ATRNL1: variants seen among roughly 807,000 people sequenced by gnomAD.
The protein encoded by ATRNL1 is attractin like 1.
A neutral mutation model predicts 182.7 loss-of-function variants in ATRNL1; 95 were observed. The observed-to-expected ratio is 0.52, with a 90% CI of 0.44 to 0.62. The LOEUF is 0.62. ATRNL1 is among the 20% of genes least tolerant of loss of function. The pLI, the probability that ATRNL1 is intolerant of heterozygous loss-of-function variation, is 0.00. For missense variants in ATRNL1, 1,471 were observed against 1,679.5 expected, an observed-to-expected ratio of 0.88 and a Z score of 2.17; for synonymous variants, 576 against 568.3, an observed-to-expected ratio of 1.01 and a Z score of -0.19.
chr10:115,895,539 C>T lies in ATRNL1; in HGVS notation c.4018+47548C>T, dbSNP rs148986853. 1.8e-4 allele frequency among the ~76,000 whole-genome samples: 27 copies of T among 152,332 alleles called. No individual in the cohort carries two copies. In the East Asian group the frequency reaches 5.0e-3, roughly 28 times the overall value. On this transcript the variant is annotated intron_variant, in intron 28 of 28. Transcript: ENST00000355044. ...TGACAAACCCTCAGTGAAACATCTT[C>T]TGCCTGTCACTGTCCCCCTCCACTC... is the stretch of plus-strand genomic sequence containing the variant.
At chr10:115,171,979 G>C (rs1316351531) in intron 8 of ATRNL1, among the ~76,000 whole-genome samples, 1 of 151,878 alleles carries the variant, frequency 6.6e-6, no homozygotes, top group African/African-American at 2.4e-5. Context: ...TTCTTTTCTG[G>C]CTCTGGCCAG....
chr10:115,460,086 T>C (rs1272342584), intron 21 of ATRNL1, among the ~76,000 whole-genome samples: 8 of 152,190 alleles, frequency 5.3e-5, no homozygotes, highest in Admixed American at 3.3e-4. Context: ...TGAGTAGCCA[T>C]TTCTCAGTCT....
chr10:115,281,491 A>G lies in ATRNL1; in HGVS notation c.2233+4A>G. The G allele has an allele frequency of 2.5e-6, 4 of 1,612,332 alleles. No homozygotes were observed. Among genetic ancestry groups the G allele is most frequent in the Non-Finnish European group, 3.4e-6 (4 of 1,179,246 alleles). ...CAAGAATGCCAGGCTTTACCAGGTA[A>G]AGATTTCAAAATTTAGTAAATGAGT... On this transcript the variant is annotated splice_donor_region_variant and intron_variant, in intron 14 of 28. Coordinates refer to ENST00000355044, the MANE Select transcript of ATRNL1 (RefSeq NM_207303.4).
chr10:115,621,378 C>G (rs983183071), intron 26 of ATRNL1, among the ~76,000 whole-genome samples: 1 of 151,408 alleles, frequency 6.6e-6, no homozygotes, highest in Admixed American at 6.6e-5. Flanking sequence ...AATCATGGCT[C>G]ACTGCAGCCT....
chr10:115,592,266 T>C (rs926762330), intron 26 of ATRNL1, among the ~76,000 whole-genome samples: 17 of 152,144 alleles, frequency 1.1e-4, no homozygotes, highest in African/African-American at 2.2e-4. Flanking sequence ...AACCTTAGCA[T>C]TGTGCAATAT....
chr10:115,453,551 A>C (rs897091974), intron 21 of ATRNL1, among the ~76,000 whole-genome samples: 1 of 152,026 alleles, frequency 6.6e-6, no homozygotes, highest in Admixed American at 6.6e-5. Context: ...TTCAGTTGTC[A>C]ATGTTTGCTT....
At chr10:115,452,966 T>G (rs590713) in intron 21 of ATRNL1, among the ~76,000 whole-genome samples, 2 of 151,888 alleles carry the variant, frequency 1.3e-5, no homozygotes, top group Admixed American at 6.6e-5. Flanking sequence ...TGGTCAGGCT[T>G]ATTTCACTTA....
intron 21 of ATRNL1, among the ~76,000 whole-genome samples, chr10:115,426,881 C>T (rs1207980896): frequency 1.9e-4 from 29 of 152,082 alleles, no homozygotes; most frequent in Admixed American, 1.5e-3. Flanking sequence ...CCCACCACCA[C>T]GCCCAGCTAA....
intron 21 of ATRNL1, among the ~76,000 whole-genome samples, chr10:115,434,325 T>G (rs1554964471): frequency 6.6e-6 from 1 of 152,202 alleles, no homozygotes; most frequent in African/African-American, 2.4e-5. Flanking sequence ...CTTACTATAC[T>G]AGACTGTTCT....
chr10:115,899,904 A>T (rs1355249251), intron 28 of ATRNL1, among the ~76,000 whole-genome samples: 1 of 152,202 alleles, frequency 6.6e-6, no homozygotes, highest in African/African-American at 2.4e-5. Flanking sequence ...CCCTCAAAAA[A>T]GTAAATATCT....
chr10:115,487,031 C>A (rs1849059748), intron 24 of ATRNL1, among the ~76,000 whole-genome samples: 1 of 152,084 alleles, frequency 6.6e-6, no homozygotes, highest in African/African-American at 2.4e-5. Flanking sequence ...TCAGGTTTGT[C>A]AAAGATCAGA....
At chr10:115,513,041 G>T (rs376875039) in intron 24 of ATRNL1, among the ~76,000 whole-genome samples, 1 of 151,812 alleles carries the variant, frequency 6.6e-6, no homozygotes, top group Non-Finnish European at 1.5e-5. Flanking sequence ...ATTTTTTTGC[G>T]ATTTGTTTTT....
At chr10:115,921,372 A>T (rs573779049) in intron 28 of ATRNL1, among the ~76,000 whole-genome samples, 2 of 152,292 alleles carry the variant, frequency 1.3e-5, no homozygotes, top group African/African-American at 4.8e-5. Context: ...AATGTATTAA[A>T]GGATAAAAAA....
At chr10:115,122,243 A>T (rs1204289288) in intron 3 of ATRNL1, among the ~76,000 whole-genome samples, 1 of 151,818 alleles carries the variant, frequency 6.6e-6, no homozygotes, top group Non-Finnish European at 1.5e-5. Context: ...TTGTGCAATG[A>T]TTAATAAAGA....
At chr10:115,902,291 A>G (rs17095696) in intron 28 of ATRNL1, among the ~76,000 whole-genome samples, 12,433 of 152,120 alleles carry the variant, frequency 0.082, 1,527 homozygotes, top group African/African-American at 0.27. Flanking sequence ...TTTAATCTTG[A>G]TGTACTTTTT....
chr10:115,762,978 A>G (rs1948768727), intron 27 of ATRNL1, among the ~76,000 whole-genome samples: 1 of 152,186 alleles, frequency 6.6e-6, no homozygotes, highest in Non-Finnish European at 1.5e-5. Context: ...AAATGTGATC[A>G]GCACTTTTTA....
At chr10:115,178,345 A>C (rs911531342) in intron 8 of ATRNL1, among the ~76,000 whole-genome samples, 10 of 152,170 alleles carry the variant, frequency 6.6e-5, no homozygotes, top group Non-Finnish European at 1.3e-4. Context: ...AAAATGTTTA[A>C]TGAAGAAATC....
intron 26 of ATRNL1, among the ~76,000 whole-genome samples, chr10:115,577,782 A>G (rs782315169): frequency 2.0e-5 from 3 of 151,672 alleles, no homozygotes; most frequent in African/African-American, 4.8e-5. Flanking sequence ...TACTATCAGT[A>G]CTATGTTTAA....
intron 10 of ATRNL1, among the ~76,000 whole-genome samples, chr10:115,255,993 G>C (rs1851111079): frequency 2.0e-5 from 3 of 152,192 alleles, no homozygotes; most frequent in Admixed American, 2.0e-4. Flanking sequence ...AAGCTGACTT[G>C]ATCGTGGTGG....
Sources: gnomAD v4.1 joint callset for allele counts (sites outside exome capture counted in the v4.1 genomes callset) on GRCh38, gnomAD v4.1.1 for gene constraint, MANE v1.5 for transcripts, NCBI Gene and HGNC (gene_info 2026-07-23, HGNC 2026-07-21) for gene names.